ST18: variants seen among roughly 807,000 people sequenced by gnomAD.
The protein encoded by ST18 is suppression of tumorigenicity 18 protein.
Under a neutral mutation model 110.0 loss-of-function variants are expected in ST18, and 50 were observed. That is an observed-to-expected ratio of 0.45 (90% CI 0.36 to 0.58). The LOEUF (loss-of-function observed/expected upper bound fraction) is 0.58. ST18 is among the 20% of genes least tolerant of loss of function. The probability of loss-of-function intolerance (pLI) is 0.00; values close to 1 mark genes in which losing one functional copy is unlikely to be tolerated. For synonymous variants in ST18, 461 were observed against 452.4 expected (o/e 1.02, Z -0.24); for missense variants, 1,306 against 1,280.1 (o/e 1.02, Z -0.31).
chr8:52,211,029 G>A (rs2135952998), intron 8 of ST18, among the ~76,000 whole-genome samples: 1 of 152,278 alleles, frequency 6.6e-6, no homozygotes, highest in African/African-American at 2.4e-5. Flanking sequence ...GGCTGTTTCT[G>A]GAAAGGTGAA....
chr8:52,295,280 C>G (rs1305046454), intron 2 of ST18, among the ~76,000 whole-genome samples: 1 of 152,180 alleles, frequency 6.6e-6, no homozygotes, highest in Non-Finnish European at 1.5e-5. Flanking sequence ...ATAGAAGGCT[C>G]TTGAACCAGG....
At chr8:52,392,824 C>T (rs1287189079) in intron 2 of ST18, among the ~76,000 whole-genome samples, 1 of 152,128 alleles carries the variant, frequency 6.6e-6, no homozygotes, top group African/African-American at 2.4e-5. Flanking sequence ...CAGAAGGCGA[C>T]CAATCAAAGG....
chr8:52,133,130 C>T lies in ST18; in HGVS notation c.2371G>A (p.Gly791Arg). ...CCACCTTTCCTTGCACGAGGGCATC[C>T]GGACAAGCTGAAATAGGGACCCGAC... is the stretch of plus-strand genomic sequence containing the variant. ...GNYASHRSLS[G>R]CPRARKGGVK... The change falls in exon 21 of 26, where the codon GGA becomes AGA. Residue 791 changes from glycine to arginine, a missense_variant. Coordinates refer to ENST00000689386, the MANE Select transcript of ST18 (RefSeq NM_001352837.2). 1 of 1,614,154 alleles carries T rather than the reference C, an allele frequency of 6.2e-7. No individual in the cohort carries two copies. Among genetic ancestry groups the T allele is most frequent in the East Asian group, 2.2e-5 (1 of 44,886 alleles).
intron 2 of ST18, among the ~76,000 whole-genome samples, chr8:52,315,721 AGT>A (rs1332194053): frequency 6.6e-6 from 1 of 152,236 alleles, no homozygotes. Flanking sequence ...TGTTAAAGAA[AGT>A]GTGTGTTATG....
chr8:52,344,649 C>T (rs1816864824), intron 2 of ST18, among the ~76,000 whole-genome samples: 1 of 152,190 alleles, frequency 6.6e-6, no homozygotes, highest in African/African-American at 2.4e-5. Flanking sequence ...GATCCGCCTG[C>T]CTCAGCCTCC....
At chr8:52,372,015 C>T (rs1830443741) in intron 2 of ST18, among the ~76,000 whole-genome samples, 3 of 152,162 alleles carry the variant, frequency 2.0e-5, no homozygotes, top group Admixed American at 2.0e-4. Flanking sequence ...ATAATAGCCT[C>T]AGGCAGGTCC....
chr8:52,307,442 G>A (rs1305428266), intron 2 of ST18, among the ~76,000 whole-genome samples: 4 of 152,098 alleles, frequency 2.6e-5, no homozygotes, highest in Non-Finnish European at 4.4e-5. Context: ...AGTTACTAGG[G>A]AACTCAGGAA....
chr8:52,119,996 G>A (rs912795835), intron 23 of ST18, among the ~76,000 whole-genome samples: 3 of 152,166 alleles, frequency 2.0e-5, no homozygotes, highest in African/African-American at 7.2e-5. Flanking sequence ...TCATCAGTAT[G>A]ACATGGCTAC....
At chr8:52,361,596 T>C (rs1357602954) in intron 2 of ST18, among the ~76,000 whole-genome samples, 2 of 152,222 alleles carry the variant, frequency 1.3e-5, no homozygotes, top group African/African-American at 4.8e-5. Flanking sequence ...CTATAATTCA[T>C]AAAGTGGCAT....
chr8:52,130,528 T>C (rs990463992), intron 22 of ST18, among the ~76,000 whole-genome samples: 11 of 152,254 alleles, frequency 7.2e-5, no homozygotes, highest in African/African-American at 2.4e-4. Context: ...AGAGCAACAC[T>C]GCTCAGATGT....
chr8:52,275,030 G>A (rs1313464625), intron 2 of ST18, among the ~76,000 whole-genome samples: 2 of 152,154 alleles, frequency 1.3e-5, no homozygotes, highest in Non-Finnish European at 2.9e-5. Flanking sequence ...AACTGAGAAT[G>A]TTACTTATTC....
intron 2 of ST18, among the ~76,000 whole-genome samples, chr8:52,309,232 C>T (rs1056386547): frequency 5.3e-5 from 8 of 152,090 alleles, no homozygotes; most frequent in African/African-American, 1.2e-4. Context: ...AGAAATCAAG[C>T]GGCATAGGCC....
At chr8:52,376,569 C>T (rs1268745600) in intron 2 of ST18, among the ~76,000 whole-genome samples, 1 of 151,936 alleles carries the variant, frequency 6.6e-6, no homozygotes, top group African/African-American at 2.4e-5. Flanking sequence ...TACTCATCAT[C>T]TTCTAAAATA....
At chr8:52,395,212 AC>A (rs778810323) in intron 2 of ST18, among the ~76,000 whole-genome samples, 5 of 152,242 alleles carry the variant, frequency 3.3e-5, no homozygotes, top group Non-Finnish European at 7.3e-5. Context: ...TGGGCCAAGT[AC>A]TATTCTAAGG....
chr8:52,201,601 T>C (rs532608679), intron 8 of ST18, among the ~76,000 whole-genome samples: 8 of 134,880 alleles, frequency 5.9e-5, no homozygotes, highest in African/African-American at 2.2e-4. Context: ...TGAGAATCCT[T>C]AGAAACAAAA....
chr8:52,276,137 C>CACCACACACATCAAACACACACAACAT (rs1564392878), intron 2 of ST18, among the ~76,000 whole-genome samples: 5 of 6,350 alleles, frequency 7.9e-4, no homozygotes, highest in Non-Finnish European at 1.1e-3. Flanking sequence ...ACCACACACA[C>CACCACACACATCAAACACACACAACAT]ACCACATGCA....
intron 2 of ST18, among the ~76,000 whole-genome samples, chr8:52,325,277 C>G (rs1298383919): frequency 1.3e-5 from 2 of 152,100 alleles, no homozygotes; most frequent in Non-Finnish European, 2.9e-5. Context: ...TGATGTAGCT[C>G]CAAGTCTGGG....
Position 52,254,301 on chromosome 8 carries a change from C to T in ST18, c.-464-24224G>A, listed in dbSNP as rs186905999. Reference sequence around the variant, plus strand: ...TTTCTCTCCTCCCTGGTGGGCTGAACGGAAACACTAAAGCTGTTTCTTTGA... The same window carrying T: ...TTTCTCTCCTCCCTGGTGGGCTGAATGGAAACACTAAAGCTGTTTCTTTGA... On this transcript the variant is annotated intron_variant, in intron 2 of 25. Transcript: ENST00000689386. 165 of 152,242 alleles carry T rather than the reference C, an allele frequency of 1.1e-3. 4 individuals are homozygous for T. Among genetic ancestry groups the T allele is most frequent in the Admixed American group, 0.01 (158 of 15,288 alleles). The allele number at this position is 152,242 out of a possible 1,614,324, so 9.4% of individuals were successfully genotyped here. A position where few individuals can be genotyped will look rare whatever the true frequency, so the allele number is the denominator to read the frequency against.
At chr8:52,257,469 G>A (rs2094561006) in intron 2 of ST18, among the ~76,000 whole-genome samples, 2 of 151,932 alleles carry the variant, frequency 1.3e-5, no homozygotes, top group African/African-American at 4.8e-5. Flanking sequence ...TTTCTATTAT[G>A]GTTGTTTCGG....
Sources: gnomAD v4.1 joint callset for allele counts (sites outside exome capture counted in the v4.1 genomes callset) on GRCh38, gnomAD v4.1.1 for gene constraint, MANE v1.5 for transcripts, NCBI Gene and HGNC (gene_info 2026-07-23, HGNC 2026-07-21) for gene names.